ZNF230: variants seen among roughly 807,000 people sequenced by gnomAD.
ZNF230 encodes the protein zinc finger protein FDZF2.
A neutral mutation model predicts 10.0 loss-of-function variants in ZNF230; 12 were observed. The ratio of observed to expected loss-of-function variants is 1.20; its 90% CI spans 0.77 to 1.95. The LOEUF (loss-of-function observed/expected upper bound fraction) is 1.95. Ranked by LOEUF, ZNF230 falls within the 30% of genes most tolerant of loss-of-function variation. The probability of loss-of-function intolerance (pLI) is 0.00; values close to 1 mark genes in which losing one functional copy is unlikely to be tolerated. For missense variants in ZNF230, 532 were observed against 565.8 expected, an observed-to-expected ratio of 0.94 and a Z score of 0.61; for synonymous variants, 174 against 193.6, an observed-to-expected ratio of 0.90 and a Z score of 0.84.
At chr19:44,003,678 TC>T in intron 1 of ZNF230, 1 of 215,302 alleles carries the variant, frequency 4.6e-6, no homozygotes. Context: ...ACTTTCGCCT[TC>T]CCCAGCCTGA....
intron 4 of ZNF230, among the ~76,000 whole-genome samples, chr19:44,009,680 C>A (rs1048949487): frequency 6.6e-6 from 1 of 152,172 alleles, no homozygotes; most frequent in African/African-American, 2.4e-5. Context: ...CCACCCCTCA[C>A]CCTCGAAAGG....
Position 44,012,365 on chromosome 19 carries a change from A to G in ZNF230, c.*901A>G. ...AAGCACTTCAGTGTGTGTTTATATC[A>G]TAATTTATCACAGTCCATACTGATA... On this transcript the variant is annotated 3_prime_UTR_variant, in exon 5 of 5. Coordinates refer to ENST00000429154, the MANE Select transcript of ZNF230 (RefSeq NM_006300.4). The G allele has an allele frequency of 1.9e-6, 1 of 518,230 alleles. No individual in the cohort carries two copies. Among genetic ancestry groups the G allele is most frequent in the Non-Finnish European group, 3.9e-6 (1 of 259,492 alleles). 32.1% of individuals were successfully genotyped at this position (518,230 alleles called of 1,614,324 possible). A position where few individuals can be genotyped will look rare whatever the true frequency, so the allele number is the denominator to read the frequency against.
chr19:44,009,820 T>A (rs535677672), intron 4 of ZNF230, among the ~76,000 whole-genome samples: 77 of 152,380 alleles, frequency 5.1e-4, no homozygotes, highest in African/African-American at 1.8e-3. Flanking sequence ...TCTCAGATGC[T>A]GAGGACAAAG....
chr19:44,003,317 A>G (rs891428637), intron 1 of ZNF230: 4 of 152,188 alleles, frequency 2.6e-5, no homozygotes, highest in African/African-American at 7.2e-5. Flanking sequence ...GTGTTACTCA[A>G]TGTCCTTATA....
chr19:44,009,968 A>C (rs1203572247), intron 4 of ZNF230, among the ~76,000 whole-genome samples: 2 of 152,352 alleles, frequency 1.3e-5, no homozygotes, highest in African/African-American at 4.8e-5. Flanking sequence ...ATAATGTTTT[A>C]ATTTAGTAAT....
rs754524988 is a variant in ZNF230 at position 44,011,453 on chromosome 19, A to G, written c.1414A>G (p.Asn472Asp). 1.3e-6 allele frequency: 2 copies of G among 1,587,156 alleles called. No homozygotes were observed. Among genetic ancestry groups the G allele is most frequent in the Non-Finnish European group, 1.7e-6 (2 of 1,169,552 alleles). ...NLDIILSLFLNDM is the reference protein window; with the variant it reads ...NLDIILSLFLDDM ...GGATATAATTTTATCATTATTTTTAAATGATATGTAAGTTGTACATATATA... is the reference window on the plus strand; with the variant it reads ...GGATATAATTTTATCATTATTTTTAGATGATATGTAAGTTGTACATATATA... The change falls in exon 5 of 5, where the codon AAT (asparagine) becomes GAT (aspartate). Residue 472 changes from asparagine to aspartate, a missense_variant. Asn to Asp is a conservative substitution (Grantham distance 23, BLOSUM62 1). Transcript: ENST00000429154.
rs1265604317 is a variant in ZNF230 at position 44,013,205 on chromosome 19, A to G, written c.*1741A>G. 6.6e-6 allele frequency: 1 copy of G among 152,198 alleles called. No individual in the cohort carries two copies. Among genetic ancestry groups the G allele is most frequent in the South Asian group, 2.1e-4 (1 of 4,832 alleles). 9.4% of individuals were successfully genotyped at this position (152,198 alleles called of 1,614,324 possible). On this transcript the variant is annotated 3_prime_UTR_variant, in exon 5 of 5. Transcript: ENST00000429154. ...TTCTAATTGTGGTAGCATTTATTTT[A>G]TCAAACAACTCAGGTAGAAGCTATG...
intron 4 of ZNF230, chr19:44,009,410 G>C: frequency 1.8e-6 from 1 of 567,492 alleles, no homozygotes; most frequent in South Asian, 2.5e-5. Flanking sequence ...TGGTCCAAAA[G>C]CCTTTATGGT....
At position 44,010,706 on chromosome 19, in the gene ZNF230, C is replaced by T; in HGVS notation, c.667C>T (p.Pro223Ser). Residue 223 changes from proline to serine, a missense_variant, in exon 5 of 5, where the codon CCA (proline) becomes TCA (serine). Pro to Ser is a moderately conservative substitution (Grantham distance 74). Transcript: ENST00000429154. ...TGAGAGAGTCCACACTGGAGAGAAACCATTCAAATGTGAGCAATGTGGGAA... is the reference window on the plus strand; with the variant it reads ...TGAGAGAGTCCACACTGGAGAGAAATCATTCAAATGTGAGCAATGTGGGAA... Reference protein sequence around the residue: ...TRERVHTGEKPFKCEQCGKGF... With the variant: ...TRERVHTGEKSFKCEQCGKGF... 1 of 1,614,182 alleles carries T rather than the reference C, an allele frequency of 6.2e-7. No homozygotes were observed.
In ZNF230 at chr19:44,012,886, C is replaced by T. The variant is rs1976201931; in HGVS notation, c.*1422C>T. 1 of 165,940 alleles carries T rather than the reference C, an allele frequency of 6.0e-6. No individual in the cohort carries two copies. The highest frequency in any genetic ancestry group is 2.4e-5 in the African/African-American group (1 of 41,514). 10.3% of individuals were successfully genotyped at this position (165,940 alleles called of 1,614,324 possible). ...ACTTGGCTGCTGGCTTCCCCTCATC[C>T]TCTGTTCTGAAGTTTACTACTAGTG... On this transcript the variant is annotated 3_prime_UTR_variant, in exon 5 of 5. Coordinates refer to ENST00000429154, the MANE Select transcript of ZNF230 (RefSeq NM_006300.4).
At position 44,010,418 on chromosome 19, in the gene ZNF230, G is replaced by T; in HGVS notation, c.379G>T (p.Glu127Ter). ...FEQGDVPSQV[E>*]AGLSIIHTGQ... ...ACAAGGTGATGTCCCCTCCCAGGTT[G>T]AGGCAGGACTATCTATAATTCATAC... The change falls in exon 5 of 5, where the codon GAG becomes TAG. Residue 127 changes from glutamate (E) to a stop codon, truncating the protein, a stop_gained. Coordinates refer to ENST00000429154, the MANE Select transcript of ZNF230 (RefSeq NM_006300.4). LOFTEE classifies it low-confidence loss of function (END_TRUNC). The T allele has an allele frequency of 1.9e-6, 3 of 1,614,246 alleles. No homozygotes were observed. The highest frequency in any genetic ancestry group is 2.5e-6 in the Non-Finnish European group (3 of 1,180,038).
At position 44,010,257 on chromosome 19, in the gene ZNF230, G is replaced by A. The variant is rs375108265; in HGVS notation, c.230-12G>A. The A allele has an allele frequency of 2.5e-5, 39 of 1,584,894 alleles. No homozygotes were observed. The highest frequency in any genetic ancestry group is 3.0e-5 in the Non-Finnish European group (35 of 1,164,912). On this transcript the variant is annotated splice_polypyrimidine_tract_variant and intron_variant, in intron 4 of 4. Transcript: ENST00000429154. The stretch of plus-strand genomic sequence containing the variant: ...TCATTTGTCCACATCTCTTCATTCT[G>A]TGTCCTTATAGGCGGCAAGACTATT...
rs1976204332 is a variant in ZNF230, at chr19:44,013,058, T to G, written c.*1594T>G. Reference sequence around the variant, plus strand: ...ACAATTACATTTTTTTCAACAGTGTTAAGGCAAAATTTATAGTAATACTTT... The same window carrying G: ...ACAATTACATTTTTTTCAACAGTGTGAAGGCAAAATTTATAGTAATACTTT... On this transcript the variant is annotated 3_prime_UTR_variant, in exon 5 of 5. Coordinates refer to ENST00000429154, the MANE Select transcript of ZNF230 (RefSeq NM_006300.4). The G allele has an allele frequency of 6.6e-6, 1 of 152,268 alleles. No homozygotes were observed. Among genetic ancestry groups the G allele is most frequent in the South Asian group, 2.1e-4 (1 of 4,834 alleles). The allele number at this position is 152,268 out of a possible 1,614,324, so 9.4% of individuals were successfully genotyped here. A position where few individuals can be genotyped will look rare whatever the true frequency, so the allele number is the denominator to read the frequency against.
chr19:44,010,509 C>T lies in ZNF230; in HGVS notation c.470C>T (p.Pro157Leu), dbSNP rs1293974055. The T allele has an allele frequency of 6.2e-7, 1 of 1,614,106 alleles. No homozygotes were observed. Among genetic ancestry groups the T allele is most frequent in the Non-Finnish European group, 8.5e-7 (1 of 1,180,046 alleles). Reference sequence around the variant, plus strand: ...TTCAGTGATGTTGCCATCTTTGATCCTCCTCAGCAGTTCCACTCAGGAGAG... The same window carrying T: ...TTCAGTGATGTTGCCATCTTTGATCTTCCTCAGCAGTTCCACTCAGGAGAG... ...QSFSDVAIFD[P>L]PQQFHSGEKS... The change falls in exon 5 of 5, where the codon CCT (proline) becomes CTT (leucine). Residue 157 changes from proline to leucine, a missense_variant. Physicochemically the swap from Pro to Leu is moderately conservative, Grantham distance 98 (BLOSUM62 -3). Coordinates refer to ENST00000429154, the MANE Select transcript of ZNF230 (RefSeq NM_006300.4).
chr19:44,011,199 C>A lies in ZNF230; in HGVS notation c.1160C>A (p.Thr387Asn), dbSNP rs753794776. Residue 387 changes from threonine to asparagine, a missense_variant, in exon 5 of 5, where the codon ACT becomes AAT. Physicochemically the swap from Thr to Asn is moderately conservative, Grantham distance 65. Coordinates refer to ENST00000429154, the MANE Select transcript of ZNF230 (RefSeq NM_006300.4). ...SGLNLHQRVHTGERPYNCKEC... is the reference protein window; with the variant it reads ...SGLNLHQRVHNGERPYNCKEC... ...CTTAACTTGCACCAGAGGGTCCATA[C>A]TGGAGAGAGACCTTATAATTGTAAG... 6.2e-7 allele frequency: 1 copy of A among 1,614,004 alleles called. No individual in the cohort carries two copies. The highest frequency in any genetic ancestry group is 1.3e-5 in the African/African-American group (1 of 74,994).
At position 44,008,917 on chromosome 19, in the gene ZNF230, G is replaced by A; in HGVS notation, c.142+1G>A. On this transcript the variant is annotated splice_donor_variant, in intron 3 of 4. Coordinates refer to ENST00000429154, the MANE Select transcript of ZNF230 (RefSeq NM_006300.4). LOFTEE classifies it high-confidence loss of function. Reference sequence around the variant, plus strand: ...AACTTCACGAACCTGCTGTCAGTGGGTGAGCACAGGCACCCTCTGTAATGG... The same window carrying A: ...AACTTCACGAACCTGCTGTCAGTGGATGAGCACAGGCACCCTCTGTAATGG... 1 of 1,613,716 alleles carries A rather than the reference G, an allele frequency of 6.2e-7. No individual in the cohort carries two copies. Among genetic ancestry groups the A allele is most frequent in the Non-Finnish European group, 8.5e-7 (1 of 1,179,714 alleles).
At chr19:44,007,180 A>C in intron 2 of ZNF230, 87 bp downstream of exon 2, 1 of 1,365,218 alleles carries the variant, frequency 7.3e-7, no homozygotes. Context: ...GGAAGACTCA[A>C]GGAGGAAATG....
Position 44,011,162 on chromosome 19 carries a change from A to C in ZNF230, c.1123A>C (p.Ser375Arg), listed in dbSNP as rs766565046. The change falls in exon 5 of 5, where the codon AGT becomes CGT. Residue 375 changes from serine to arginine, a missense_variant. By Grantham distance (110) the Ser-to-Arg change is moderately radical (BLOSUM62 -1). Transcript: ENST00000429154. ...RCEECGKGYI[S>R]KSGLNLHQRV... ...TGAGGAGTGTGGGAAGGGCTACATT[A>C]GTAAGTCAGGTCTTAACTTGCACCA... 25 of 1,614,090 alleles carry C rather than the reference A, an allele frequency of 1.5e-5. No individual in the cohort carries two copies. The highest frequency in any genetic ancestry group is 1.9e-5 in the Non-Finnish European group (23 of 1,180,024).
chr19:44,008,784 T>G lies in ZNF230; in HGVS notation c.16-6T>G. 6.2e-7 allele frequency: 1 copy of G among 1,613,382 alleles called. No individual in the cohort carries two copies. The highest frequency in any genetic ancestry group is 8.5e-7 in the Non-Finnish European group (1 of 1,179,568). The stretch of plus-strand genomic sequence containing the variant: ...GGATTGAGGTTATGTATCCTTGATG[T>G]TATAGGAGGCAGTGACCTTCAAGGA... On this transcript the variant is annotated splice_polypyrimidine_tract_variant and splice_region_variant and intron_variant, in intron 2 of 4. Coordinates refer to ENST00000429154, the MANE Select transcript of ZNF230 (RefSeq NM_006300.4).
Sources: gnomAD v4.1 joint callset for allele counts (sites outside exome capture counted in the v4.1 genomes callset) on GRCh38, gnomAD v4.1.1 for gene constraint, MANE v1.5 for transcripts, NCBI Gene and HGNC (gene_info 2026-07-23, HGNC 2026-07-21) for gene names.